Variants in DCAKD observed in about 807,000 individuals in gnomAD.
DCAKD encodes dephospho-CoA kinase domain-containing protein.
A neutral mutation model predicts 18.7 loss-of-function variants in DCAKD; 15 were observed. The observed-to-expected ratio is 0.80, with a 90% CI of 0.54 to 1.24. DCAKD has a LOEUF of 1.24. Among genes scored for constraint, DCAKD ranks in the 50% most tolerant of loss-of-function variants. The pLI, the probability that DCAKD is intolerant of heterozygous loss-of-function variation, is 0.00. For missense variants in DCAKD, 301 were observed against 322.0 expected, an observed-to-expected ratio of 0.93 and a Z score of 0.50; for synonymous variants, 130 against 133.0, an observed-to-expected ratio of 0.98 and a Z score of 0.16.
At chr17:45,048,844 A>T (rs2053629849) in intron 1 of DCAKD, among the ~76,000 whole-genome samples, 1 of 151,846 alleles carries the variant, frequency 6.6e-6, no homozygotes, top group Non-Finnish European at 1.5e-5. Flanking sequence ...ATAGCCAACC[A>T]GCAGCACAAG....
At chr17:45,040,956 A>G (rs922022300) in intron 1 of DCAKD, among the ~76,000 whole-genome samples, 4 of 152,082 alleles carry the variant, frequency 2.6e-5, no homozygotes, top group African/African-American at 9.7e-5. Context: ...TGTTTCTCTT[A>G]GGGAAAAATT....
chr17:45,044,239 C>T (rs1400186146), intron 1 of DCAKD, among the ~76,000 whole-genome samples: 1 of 152,146 alleles, frequency 6.6e-6, no homozygotes, highest in Non-Finnish European at 1.5e-5. Context: ...TGCCCTCAGG[C>T]CTGTGCCCCA....
intron 1 of DCAKD, among the ~76,000 whole-genome samples, chr17:45,050,840 A>G (rs1388818759): frequency 6.6e-6 from 1 of 152,248 alleles, no homozygotes; most frequent in Non-Finnish European, 1.5e-5. Flanking sequence ...CTCTGTAAGC[A>G]AACACCTGAA....
chr17:45,035,931 A>G (rs1410669007), intron 1 of DCAKD, among the ~76,000 whole-genome samples: 1 of 152,160 alleles, frequency 6.6e-6, no homozygotes, highest in African/African-American at 2.4e-5. Flanking sequence ...TGGGGAACTG[A>G]GCCGCAAGCA....
chr17:45,031,337 A>C (rs7216522), intron 3 of DCAKD: 1 of 985,034 alleles, frequency 1.0e-6, no homozygotes, highest in Non-Finnish European at 1.2e-6. Flanking sequence ...TTAAAACCAT[A>C]GGCTCTGATG....
At chr17:45,052,682 C>G (rs919927580), upstream of DCAKD, among the ~76,000 whole-genome samples, 3 of 149,758 alleles carry the variant, frequency 2.0e-5, no homozygotes, top group African/African-American at 7.3e-5. Context: ...GTGAGACTAA[C>G]CCCCGATCTC....
intron 1 of DCAKD, among the ~76,000 whole-genome samples, chr17:45,037,385 AAAAACAAACAAAC>A (rs1179617283): frequency 1.3e-5 from 2 of 152,176 alleles, no homozygotes; most frequent in African/African-American, 4.8e-5. Context: ...GTTCAGTTGT[AAAAACAAACAAAC>A]AAAACAAACA....
rs182598199 is a variant in DCAKD, at chr17:45,037,194, C to A, written c.-114-2195G>T. On this transcript the variant is annotated intron_variant, in intron 1 of 4. Transcript: ENST00000651974. ...TTAACAATCATTTCTAGGCCACGCACGGTGTTCACGCCTGTAATCCCAGTG... is the reference window on the plus strand; with the variant it reads ...TTAACAATCATTTCTAGGCCACGCAAGGTGTTCACGCCTGTAATCCCAGTG... Among the ~76,000 whole-genome samples the A allele has an allele frequency of 1.3e-4, 20 of 152,164 alleles. No homozygotes were observed. The East Asian group carries it at 3.1e-3, about 24-fold the overall frequency.
At chr17:45,038,927 C>T (rs1043874745) in intron 1 of DCAKD, among the ~76,000 whole-genome samples, 1 of 152,238 alleles carries the variant, frequency 6.6e-6, no homozygotes, top group Admixed American at 6.5e-5. Flanking sequence ...CTGTGCTCTG[C>T]AGGAACGGTG....
intron 3 of DCAKD, chr17:45,031,166 C>A (rs955946349): frequency 1.0e-6 from 1 of 985,310 alleles, no homozygotes. Context: ...CAGAACCAGA[C>A]ACACATCACA....
At position 45,026,679 on chromosome 17, in the gene DCAKD, C is replaced by A. The variant is rs2053062753; in HGVS notation, c.405-1955G>T. ...CAAGTGAGGCCAAAAACAAATGCAGCCACTTGCCATGAAAATGAATTATAC... is the reference window on the plus strand; with the variant it reads ...CAAGTGAGGCCAAAAACAAATGCAGACACTTGCCATGAAAATGAATTATAC... On this transcript the variant is annotated intron_variant, in intron 4 of 4. Transcript: ENST00000651974. 5 of 985,286 alleles carry A rather than the reference C, an allele frequency of 5.1e-6. No individual in the cohort carries two copies. In the South Asian group the frequency reaches 2.3e-4, roughly 46 times the overall value. The allele number at this position is 985,286 out of a possible 1,614,324, so 61.0% of individuals were successfully genotyped here. A position where few individuals can be genotyped will look rare whatever the true frequency, so the allele number is the denominator to read the frequency against.
intron 1 of DCAKD, among the ~76,000 whole-genome samples, chr17:45,036,211 G>C (rs1029193059): frequency 1.3e-5 from 2 of 152,170 alleles, no homozygotes; most frequent in African/African-American, 4.8e-5. Flanking sequence ...CATAAAATGA[G>C]GTTTAGGATC....
chr17:45,030,347 G>A (rs1360324547), intron 3 of DCAKD, among the ~76,000 whole-genome samples, 168 bp from the exon 4 acceptor site: 6 of 152,220 alleles, frequency 3.9e-5, no homozygotes, highest in Admixed American at 3.3e-4. Context: ...ACAGAAGGCT[G>A]CAGAAAATTA....
At position 45,030,110 on chromosome 17, in the gene DCAKD, T is replaced by G. The variant is rs533128602; in HGVS notation, c.386A>C (p.His129Pro). Reference sequence around the variant, plus strand: ...CACTCACCAGTATACTACCACGGTGTGCTTCATGTACTTGAGCAACTTCTT... The same window carrying G: ...CACTCACCAGTATACTACCACGGTGGGCTTCATGTACTTGAGCAACTTCTT... The part of the protein sequence containing the change: ...ETKKLLKYMK[H>P]TVVVYCDRDT... Residue 129 changes from histidine to proline, a missense_variant, in exon 4 of 5, where the codon CAC becomes CCC. His to Pro is a moderately conservative substitution (Grantham distance 77). Transcript: ENST00000651974. The G allele has an allele frequency of 5.0e-6, 8 of 1,614,068 alleles. No homozygotes were observed. The East Asian group carries it at 1.8e-4, about 36-fold the overall frequency.
At chr17:45,049,311 C>T (rs1037351942) in intron 1 of DCAKD, among the ~76,000 whole-genome samples, 1 of 151,890 alleles carries the variant, frequency 6.6e-6, no homozygotes, top group African/African-American at 2.4e-5. Context: ...GACAGACACC[C>T]GTACTCTTAG....
At chr17:45,051,260 T>C (rs2053687919) in intron 1 of DCAKD, 101 bp downstream of exon 1, 1 of 152,230 alleles carries the variant, frequency 6.6e-6, no homozygotes, top group African/African-American at 2.4e-5. Context: ...TTTCTAGCTG[T>C]AAACCTTCCT....
intron 1 of DCAKD, among the ~76,000 whole-genome samples, chr17:45,045,326 A>AC (rs1486481021): frequency 6.6e-6 from 1 of 152,170 alleles, no homozygotes; most frequent in Non-Finnish European, 1.5e-5. Flanking sequence ...ACGTGTCACC[A>AC]CCCAACACAT....
intron 3 of DCAKD, chr17:45,030,927 G>A: frequency 3.1e-6 from 3 of 971,980 alleles, no homozygotes; most frequent in South Asian, 4.8e-5. Flanking sequence ...CCAGTCAAGG[G>A]CAGCACCCCC....
Position 45,024,145 on chromosome 17 carries a change from C to G in DCAKD, c.*288G>C. 5.0e-6 allele frequency: 2 copies of G among 397,032 alleles called. No homozygotes were observed. The highest frequency in any genetic ancestry group is 9.3e-6 in the Non-Finnish European group (2 of 215,632). 24.6% of individuals were successfully genotyped at this position (397,032 alleles called of 1,614,324 possible). A position where few individuals can be genotyped will look rare whatever the true frequency, so the allele number is the denominator to read the frequency against. Reference sequence around the variant, plus strand: ...TATAGCAGTCTCTGACTGTTGCTTTCACACACCATCACGGTTGCTGTTCTG... The same window carrying G: ...TATAGCAGTCTCTGACTGTTGCTTTGACACACCATCACGGTTGCTGTTCTG... On this transcript the variant is annotated 3_prime_UTR_variant, in exon 5 of 5. Coordinates refer to ENST00000651974, the MANE Select transcript of DCAKD (RefSeq NM_001288655.2).
Sources: allele counts gnomAD v4.1 joint callset (sites outside exome capture counted in the v4.1 genomes callset), GRCh38; gene constraint gnomAD v4.1.1; transcripts MANE v1.5; gene names NCBI Gene and HGNC (gene_info 2026-07-23, HGNC 2026-07-21).